USH2A: variants seen among roughly 807,000 people sequenced by gnomAD.
USH2A encodes the protein Usher syndrome 2A (autosomal recessive, mild).
In USH2A, 443 loss-of-function variants were observed where a neutral mutation model predicts 538.9. That is an observed-to-expected ratio of 0.82 (90% CI 0.76 to 0.89). The LOEUF (loss-of-function observed/expected upper bound fraction) is 0.89, where lower values mean the gene tolerates loss of function less well. Ranked by LOEUF, USH2A falls within the 40% of genes least tolerant of loss-of-function variation. USH2A has a pLI of 0.00. For missense variants in USH2A, 6,633 were observed against 6,324.8 expected (o/e 1.05, Z -1.65); for synonymous variants, 2,413 against 2,273.5 (o/e 1.06, Z -1.75).
rs2035707966 is a variant in USH2A at position 216,232,079 on chromosome 1, G to A, written c.2867C>T (p.Thr956Ile). The change falls in exon 14 of 72, where the codon ACT becomes ATT. Residue 956 changes from threonine to isoleucine, a missense_variant. By Grantham distance (89) the Thr-to-Ile change is moderately conservative (BLOSUM62 -1). Coordinates refer to ENST00000307340, the MANE Select transcript of USH2A (RefSeq NM_206933.4). Reference sequence around the variant, plus strand: ...ATTACAGATGTGATTAACTGCACCAGTTGTATGGCATGAGCATGGCAGGCA... The same window carrying A: ...ATTACAGATGTGATTAACTGCACCAATTGTATGGCATGAGCATGGCAGGCA... The part of the protein sequence containing the change: ...TGCLPCSCHT[T>I]GAVNHICNSL... 2.5e-6 allele frequency: 4 copies of A among 1,614,024 alleles called. No homozygotes were observed. Among genetic ancestry groups the A allele is most frequent in the Non-Finnish European group, 3.4e-6 (4 of 1,179,924 alleles).
chr1:215,668,980 A>C (rs1343329462), intron 64 of USH2A, among the ~76,000 whole-genome samples: 1 of 152,104 alleles, frequency 6.6e-6, no homozygotes, highest in Admixed American at 6.5e-5. Context: ...GGTTGCAGTG[A>C]GTTGAGATCT....
intron 3 of USH2A, among the ~76,000 whole-genome samples, chr1:216,377,511 A>C (rs2102727377): frequency 6.6e-6 from 1 of 152,284 alleles, no homozygotes; most frequent in African/African-American, 2.4e-5. Context: ...GCATTGATTT[A>C]GACAAAATAA....
intron 21 of USH2A, among the ~76,000 whole-genome samples, chr1:216,111,432 T>C (rs1452422005): frequency 5.9e-5 from 9 of 152,142 alleles, no homozygotes; most frequent in Non-Finnish European, 1.5e-5. Context: ...CCTAGGGTTA[T>C]GACAGACAAC....
At chr1:216,050,604 C>CTTTTTTTT (rs746265112) in intron 30 of USH2A, among the ~76,000 whole-genome samples, 1 of 68,564 alleles carries the variant, frequency 1.5e-5, no homozygotes, top group Non-Finnish European at 2.9e-5. Context: ...TTCTTTCTTT[C>CTTTTTTTT]TTTTTTTTTT....
At position 215,986,304 on chromosome 1, in the gene USH2A, C is replaced by CT. The variant is rs774278732; in HGVS notation, c.6805+6715dup. ...CTGGCTAATTTTTTTTTTCTTTTTT[C>CT]TTTTTCTTTTTTTTTTTTTTTTGGT... is the stretch of plus-strand genomic sequence containing the variant. On this transcript the variant is annotated intron_variant, in intron 35 of 71. Transcript: ENST00000307340. 4.8e-4 allele frequency among the ~76,000 whole-genome samples: 52 copies of CT among 108,600 alleles called. 1 individual carries two copies. The highest frequency in any genetic ancestry group is 6.1e-3 in the Middle Eastern group (1 of 164). The allele number at this position is 108,600 out of a possible 152,430, so 71.2% of individuals were successfully genotyped here.
chr1:215,924,743 C>A lies in USH2A; in HGVS notation c.7300+9873G>T, dbSNP rs951004252. Among the ~76,000 whole-genome samples, 5 of 151,914 alleles carry A rather than the reference C, an allele frequency of 3.3e-5. No homozygotes were observed. The East Asian group carries it at 5.8e-4, about 18-fold the overall frequency. On this transcript the variant is annotated intron_variant, in intron 38 of 71. Coordinates refer to ENST00000307340, the MANE Select transcript of USH2A (RefSeq NM_206933.4). ...CTTAAAGGAACAATATTTCCCACCC[C>A]TCTCCCCTGGTAAAAAAGAAAAAGA...
chr1:216,148,576 T>C (rs1038472267), intron 21 of USH2A, among the ~76,000 whole-genome samples: 1 of 152,126 alleles, frequency 6.6e-6, no homozygotes, highest in African/African-American at 2.4e-5. Flanking sequence ...TAAAGCCTGT[T>C]ATCACCCGCC....
chr1:216,377,778 AAAAAGAAAGAAAGAGAAGGAAAGAAAT>A (rs2038850719), intron 3 of USH2A, among the ~76,000 whole-genome samples: 2 of 134,360 alleles, frequency 1.5e-5, no homozygotes, highest in South Asian at 2.6e-4. Flanking sequence ...GGAAAGAAAT[AAAAAGAAAGAAAGAGAAGGAAAGAAAT>A]AAAAAGAAAG....
chr1:215,862,597 T>G (rs542120933), intron 44 of USH2A, among the ~76,000 whole-genome samples: 6 of 152,318 alleles, frequency 3.9e-5, no homozygotes, highest in African/African-American at 9.6e-5. Context: ...CTGAATAGTC[T>G]TGCAAAATCA....
intron 43 of USH2A, among the ~76,000 whole-genome samples, chr1:215,870,297 TA>T (rs1328581212): frequency 9.9e-5 from 15 of 151,028 alleles, no homozygotes; most frequent in South Asian, 4.2e-4. Context: ...ATTTTTTTTT[TA>T]TTTATTTATT....
intron 20 of USH2A, among the ~76,000 whole-genome samples, chr1:216,176,868 T>C (rs1375279818): frequency 6.6e-6 from 1 of 152,216 alleles, no homozygotes; most frequent in Non-Finnish European, 1.5e-5. Flanking sequence ...CTTTTCATCA[T>C]TTGCTAGCTC....
chr1:215,810,272 A>G (rs1361320997), intron 49 of USH2A, among the ~76,000 whole-genome samples: 1 of 152,186 alleles, frequency 6.6e-6, no homozygotes, highest in African/African-American at 2.4e-5. Flanking sequence ...AAAGGCTTAT[A>G]TAATATCAAT....
chr1:215,966,706 A>G (rs1242485534), intron 36 of USH2A, among the ~76,000 whole-genome samples: 1 of 152,170 alleles, frequency 6.6e-6, no homozygotes, highest in African/African-American at 2.4e-5. Context: ...CCAGAAAAAT[A>G]TCAATTCATC....
At chr1:216,057,087 A>G (rs1451132068) in intron 30 of USH2A, among the ~76,000 whole-genome samples, 1 of 152,216 alleles carries the variant, frequency 6.6e-6, no homozygotes, top group African/African-American at 2.4e-5. Context: ...CCAAAAAGAA[A>G]TGCAAATCCT....
intron 19 of USH2A, among the ~76,000 whole-genome samples, chr1:216,191,724 T>C (rs1259655138): frequency 1.3e-5 from 2 of 152,098 alleles, no homozygotes; most frequent in East Asian, 3.9e-4. Flanking sequence ...TTCATCCCTT[T>C]TAGAATAATC....
intron 35 of USH2A, among the ~76,000 whole-genome samples, chr1:215,989,003 G>A (rs1322537259): frequency 6.6e-6 from 1 of 152,208 alleles, no homozygotes; most frequent in African/African-American, 2.4e-5. Flanking sequence ...GACAAGGACA[G>A]AATGTTTCCT....
At chr1:216,050,492 C>T (rs571492469) in intron 30 of USH2A, among the ~76,000 whole-genome samples, 63 of 151,704 alleles carry the variant, frequency 4.2e-4, no homozygotes, top group African/African-American at 1.5e-3. Flanking sequence ...CAGAGCTATG[C>T]CATTCCAATT....
chr1:216,123,123 G>A (rs1021924046), intron 21 of USH2A, among the ~76,000 whole-genome samples: 2 of 152,136 alleles, frequency 1.3e-5, no homozygotes, highest in Non-Finnish European at 2.9e-5. Context: ...GGCTCAGAAA[G>A]ATTATCCAAT....
At chr1:215,788,479 C>A (rs1186579077) in intron 51 of USH2A, among the ~76,000 whole-genome samples, 2 of 149,890 alleles carry the variant, frequency 1.3e-5, no homozygotes. Flanking sequence ...ACTTGGAAGA[C>A]AACTGCCTAA....
Sources: allele counts gnomAD v4.1 joint callset (sites outside exome capture counted in the v4.1 genomes callset), GRCh38; gene constraint gnomAD v4.1.1; transcripts MANE v1.5; gene names NCBI Gene and HGNC (gene_info 2026-07-23, HGNC 2026-07-21).